Variants in SYNE2 observed in about 807,000 individuals in gnomAD.
SYNE2 encodes spectrin repeat containing nuclear envelope protein 2, also known as nesprin-2.
Under a neutral mutation model 856.3 loss-of-function variants are expected in SYNE2, and 431 were observed. The ratio of observed to expected loss-of-function variants is 0.50; its 90% CI spans 0.47 to 0.55. SYNE2 has a LOEUF of 0.55. Ranked by LOEUF, SYNE2 falls within the 20% of genes least tolerant of loss-of-function variation. The probability of loss-of-function intolerance (pLI) is 0.00; values close to 1 mark genes in which losing one functional copy is unlikely to be tolerated. For synonymous variants in SYNE2, 2,923 were observed against 2,872.3 expected, an observed-to-expected ratio of 1.02 and a Z score of -0.56; for missense variants, 8,129 against 8,023.2, an observed-to-expected ratio of 1.01 and a Z score of -0.50.
At chr14:64,201,299 T>C (rs902326150) in intron 99 of SYNE2, among the ~76,000 whole-genome samples, 2 of 152,094 alleles carry the variant, frequency 1.3e-5, no homozygotes, top group Admixed American at 1.3e-4. Context: ...TTTCACTAAA[T>C]CTTAAAAGTA....
chr14:63,978,609 C>T (rs1008492970), intron 13 of SYNE2, among the ~76,000 whole-genome samples: 1 of 152,130 alleles, frequency 6.6e-6, no homozygotes, highest in Non-Finnish European at 1.5e-5. Flanking sequence ...ATTTGTCAGT[C>T]GGAGAATAGT....
At chr14:64,065,262 A>G (rs1187045786) in intron 50 of SYNE2, among the ~76,000 whole-genome samples, 170 bp from the exon 51 acceptor site, 2 of 152,246 alleles carry the variant, frequency 1.3e-5, no homozygotes, top group Non-Finnish European at 2.9e-5. Context: ...ACAATAATAC[A>G]TAGATAATTC....
At chr14:64,022,122 G>C (rs1830730711) in intron 37 of SYNE2, 94 bp downstream of exon 37, 2 of 1,221,482 alleles carry the variant, frequency 1.6e-6, no homozygotes, top group South Asian at 2.5e-5. Flanking sequence ...CTGACTTAGA[G>C]ATGGTTTGCA....
At chr14:64,119,649 A>AT (rs778139295) in intron 67 of SYNE2, 40 bp downstream of exon 67, 1 of 1,604,876 alleles carries the variant, frequency 6.2e-7, no homozygotes, top group African/African-American at 1.3e-5. Flanking sequence ...CTTGATACAC[A>AT]TATGTGGCAG....
chr14:64,059,903 C>T (rs149582553), intron 49 of SYNE2, among the ~76,000 whole-genome samples: 9 of 152,318 alleles, frequency 5.9e-5, no homozygotes, highest in African/African-American at 1.9e-4. Flanking sequence ...GAGTCCTTCA[C>T]ATCTTGTCTC....
chr14:64,003,035 C>G lies in SYNE2; in HGVS notation c.4102C>G (p.His1368Asp), dbSNP rs1166480761. ...AGTAAAAAATAAAGAGGGAGAAATTCATCTGATGAAAGACAAGGCCAAACA... is the reference window on the plus strand; with the variant it reads ...AGTAAAAAATAAAGAGGGAGAAATTGATCTGATGAAAGACAAGGCCAAACA... ...LTVKNKEGEI[H>D]LMKDKAKHLD... The change falls in exon 30 of 116, where the codon CAT becomes GAT. Residue 1368 changes from histidine to aspartate, a missense_variant. His to Asp is a moderately conservative substitution (Grantham distance 81). This residue lies in a region of SYNE2 where 2,422 missense variants were observed against 2,357.4 expected (regional missense o/e 1.03). Coordinates refer to ENST00000555002, the MANE Select transcript of SYNE2 (RefSeq NM_182914.3). 3 of 1,614,092 alleles carry G rather than the reference C, an allele frequency of 1.9e-6. No individual in the cohort carries two copies. The highest frequency in any genetic ancestry group is 1.7e-5 in the Admixed American group (1 of 60,012).
chr14:63,942,821 G>A (rs2095944027), intron 6 of SYNE2, among the ~76,000 whole-genome samples: 1 of 151,912 alleles, frequency 6.6e-6, no homozygotes, highest in African/African-American at 2.4e-5. Flanking sequence ...TGTAGAGATG[G>A]GGTTTCATCA....
chr14:64,182,239 T>A (rs1325596765), intron 96 of SYNE2, among the ~76,000 whole-genome samples: 1 of 152,206 alleles, frequency 6.6e-6, no homozygotes, highest in East Asian at 1.9e-4. Context: ...CATCCCATGT[T>A]ACGTAAAAAA....
chr14:64,084,895 G>A (rs941695362), intron 57 of SYNE2: 1 of 699,072 alleles, frequency 1.4e-6, no homozygotes, highest in Non-Finnish European at 2.6e-6. Context: ...TGTGAGGGAG[G>A]AGGTGGGATC....
intron 87 of SYNE2, among the ~76,000 whole-genome samples, chr14:64,160,580 T>C (rs2098321701): frequency 6.6e-6 from 1 of 152,238 alleles, no homozygotes; most frequent in Non-Finnish European, 1.5e-5. Context: ...CTGATAAGAT[T>C]TTTGAAATGC....
At chr14:63,932,894 G>C (rs911636833) in intron 2 of SYNE2, among the ~76,000 whole-genome samples, 23 of 152,186 alleles carry the variant, frequency 1.5e-4, no homozygotes, top group African/African-American at 4.8e-4. Flanking sequence ...GCGAATTGTA[G>C]CTATCCTAGT....
At chr14:64,022,237 ATTTC>A (rs2096940887) in intron 37 of SYNE2, among the ~76,000 whole-genome samples, 1 of 152,096 alleles carries the variant, frequency 6.6e-6, no homozygotes, top group Admixed American at 6.6e-5. Flanking sequence ...CCAAACCTTT[ATTTC>A]TTTCTTGAAG....
At chr14:63,940,108 T>G (rs951884949) in intron 2 of SYNE2, among the ~76,000 whole-genome samples, 1 of 150,546 alleles carries the variant, frequency 6.6e-6, no homozygotes, top group Admixed American at 6.7e-5. Flanking sequence ...AACAGAGTCT[T>G]GCCGTGTTGA....
chr14:64,190,899 A>G (rs2098515245), intron 99 of SYNE2: 1 of 697,626 alleles, frequency 1.4e-6, no homozygotes, highest in African/African-American at 1.8e-5. Context: ...AAATGTCTTC[A>G]AATTCCCTCT....
In SYNE2 at chr14:64,177,314, T is replaced by G. The variant is rs746102609; in HGVS notation, c.17431-44T>G. 2.5e-6 allele frequency: 4 copies of G among 1,612,722 alleles called. No homozygotes were observed. The African/African-American group carries it at 5.3e-5, about 22-fold the overall frequency. ...GCTATTCTATTTCTACAATTCATTCTAAAGAGCAAAATACTTACCAGTTTT... is the reference window on the plus strand; with the variant it reads ...GCTATTCTATTTCTACAATTCATTCGAAAGAGCAAAATACTTACCAGTTTT... On this transcript the variant is annotated intron_variant, in intron 95 of 115. Coordinates refer to ENST00000555002, the MANE Select transcript of SYNE2 (RefSeq NM_182914.3).
At chr14:63,930,532 TC>T (rs138368912) in intron 2 of SYNE2, among the ~76,000 whole-genome samples, 6,974 of 141,960 alleles carry the variant, frequency 0.049, 551 homozygotes, top group African/African-American at 0.17. Context: ...TCATTATCCT[TC>T]TTTTTTTTTT....
chr14:63,815,225 TATCC>T (rs1276937950), intron 1 of SYNE2, among the ~76,000 whole-genome samples: 137 of 139,916 alleles, frequency 9.8e-4, no homozygotes, highest in East Asian at 1.4e-3. Context: ...TCCATATATA[TATCC>T]ATATATATAT....
intron 14 of SYNE2, among the ~76,000 whole-genome samples, chr14:63,980,209 A>C (rs2096575335): frequency 6.6e-6 from 1 of 152,200 alleles, no homozygotes; most frequent in Non-Finnish European, 1.5e-5. Flanking sequence ...GGTTAATGGT[A>C]GTTTCTGAAA....
chr14:63,988,012 T>A (rs191795684), intron 19 of SYNE2, among the ~76,000 whole-genome samples: 2 of 152,348 alleles, frequency 1.3e-5, no homozygotes, highest in Non-Finnish European at 1.5e-5. Flanking sequence ...TGTAAAGATA[T>A]ACCTGTAACT....
Sources: allele counts gnomAD v4.1 joint callset (sites outside exome capture counted in the v4.1 genomes callset), GRCh38; gene constraint gnomAD v4.1.1; regional missense constraint gnomAD v4.1.1; transcripts MANE v1.5; gene names NCBI Gene and HGNC (gene_info 2026-07-23, HGNC 2026-07-21).